The following XYLB variants were observed in gnomAD, a reference collection of about 807,000 sequenced individuals.
XYLB encodes the protein xylulokinase, also known as xylulose kinase.
In XYLB, 62 loss-of-function variants were observed where a neutral mutation model predicts 78.7. The observed-to-expected ratio is 0.79, with a 90% CI of 0.64 to 0.97. XYLB has a LOEUF of 0.97. Among genes scored for constraint, XYLB ranks in the 50% least tolerant of loss-of-function variants. The pLI is 0.00. For synonymous variants in XYLB, 245 were observed against 247.4 expected (o/e 0.99, Z 0.09); for missense variants, 687 against 676.8 (o/e 1.02, Z -0.17).
intron 9 of XYLB, among the ~76,000 whole-genome samples, chr3:38,370,491 G>A (rs908558821): frequency 4.6e-5 from 7 of 152,156 alleles, no homozygotes; most frequent in African/African-American, 1.7e-4. Flanking sequence ...AGTGCACAGA[G>A]TGCTGAAATT....
At chr3:38,422,552 G>C (rs527852191), downstream of XYLB, among the ~76,000 whole-genome samples, 1 of 152,090 alleles carries the variant, frequency 6.6e-6, no homozygotes, top group Non-Finnish European at 1.5e-5. Flanking sequence ...AATTCAATCC[G>C]CTCAATTTAA....
At chr3:38,355,807 A>G (rs1299604429) in intron 2 of XYLB, 14 of 703,498 alleles carry the variant, frequency 2.0e-5, no homozygotes, top group Non-Finnish European at 3.6e-5. Flanking sequence ...GAATGACTGC[A>G]TGGAGCAGAA....
downstream of XYLB, among the ~76,000 whole-genome samples, chr3:38,418,355 C>T (rs1046133051): frequency 2.6e-5 from 4 of 151,950 alleles, no homozygotes; most frequent in African/African-American, 4.8e-5. Context: ...AATAGGCATT[C>T]GTATACATTT....
chr3:38,407,308 A>T (rs1419117250), intron 18 of XYLB, among the ~76,000 whole-genome samples: 4 of 151,292 alleles, frequency 2.6e-5, no homozygotes, highest in Non-Finnish European at 5.9e-5. Flanking sequence ...AGAAGAAATA[A>T]AATACTTTAC....
chr3:38,400,420 TGAG>T (rs1310353118), intron 17 of XYLB, among the ~76,000 whole-genome samples: 2 of 152,088 alleles, frequency 1.3e-5, no homozygotes, highest in African/African-American at 2.4e-5. Context: ...GCATCTTAGC[TGAG>T]GAGAAGGGAA....
chr3:38,380,293 G>A (rs1039085648), intron 15 of XYLB, among the ~76,000 whole-genome samples: 1 of 152,192 alleles, frequency 6.6e-6, no homozygotes, highest in Non-Finnish European at 1.5e-5. Context: ...GAGGCAAAAG[G>A]AGGAGAAAGG....
chr3:38,433,872 C>G, the XYLB span, among the ~76,000 whole-genome samples: 2 of 152,190 alleles, frequency 1.3e-5, no homozygotes, highest in African/African-American at 4.8e-5. Flanking sequence ...TAGCAGCACC[C>G]CCTTCCTGGT....
rs75448340 is a variant in XYLB at position 38,391,454 on chromosome 3, A to G, written c.1292-4051A>G. ...CTTTCTGAACTTCATGATACATGGA[A>G]TTATACTACATGCGGTGTGATTTGC... On this transcript the variant is annotated intron_variant, in intron 15 of 18. Coordinates refer to ENST00000207870, the MANE Select transcript of XYLB (RefSeq NM_005108.4). Among the ~76,000 whole-genome samples the G allele has an allele frequency of 0.012, 1,791 of 152,258 alleles. 152 individuals are homozygous for G. In the East Asian group the frequency reaches 0.21, roughly 18 times the overall value.
At chr3:38,362,611 G>A (rs1420502213) in intron 3 of XYLB, among the ~76,000 whole-genome samples, 1 of 152,116 alleles carries the variant, frequency 6.6e-6, no homozygotes, top group African/African-American at 2.4e-5. Flanking sequence ...GCAGTGAGCT[G>A]AGATTGCGCC....
At chr3:38,431,033 T>C in the XYLB span, among the ~76,000 whole-genome samples, 2 of 152,238 alleles carry the variant, frequency 1.3e-5, no homozygotes, top group South Asian at 2.1e-4. Flanking sequence ...GTCTTGGCAA[T>C]GTGGGCTCCT....
chr3:38,416,660 CA>C (rs1295245561), downstream of XYLB, among the ~76,000 whole-genome samples: 1 of 151,916 alleles, frequency 6.6e-6, no homozygotes, highest in East Asian at 1.9e-4. Context: ...AGTAGGACCA[CA>C]AAAGGCAAAG....
chr3:38,400,736 A>G (rs1413113483), intron 17 of XYLB, among the ~76,000 whole-genome samples, 155 bp from the exon 18 acceptor site: 1 of 152,192 alleles, frequency 6.6e-6, no homozygotes, highest in Admixed American at 6.5e-5. Context: ...TAAGTGTCCA[A>G]TTCATTGATT....
At chr3:38,370,770 T>C (rs1706513072) in intron 9 of XYLB, among the ~76,000 whole-genome samples, 2 of 152,176 alleles carry the variant, frequency 1.3e-5, no homozygotes, top group South Asian at 4.1e-4. Context: ...GGAAAAACAT[T>C]TACCCATCAC....
the XYLB span, among the ~76,000 whole-genome samples, chr3:38,427,028 G>A: frequency 6.6e-6 from 1 of 152,186 alleles, no homozygotes; most frequent in African/African-American, 2.4e-5. Flanking sequence ...TCCTCACTGA[G>A]ATTGCTTTGT....
At chr3:38,442,233 G>T in the XYLB span, among the ~76,000 whole-genome samples, 1 of 152,190 alleles carries the variant, frequency 6.6e-6, no homozygotes. Context: ...GCAGAGTTGG[G>T]CCTTCGATTT....
intron 2 of XYLB, among the ~76,000 whole-genome samples, chr3:38,353,164 T>G (rs1705460038): frequency 7.0e-6 from 1 of 142,740 alleles, no homozygotes; most frequent in Non-Finnish European, 1.5e-5. Flanking sequence ...CTCACCTATG[T>G]TTTTATCTAG....
At chr3:38,441,805 CCTTA>C in the XYLB span, among the ~76,000 whole-genome samples, 1 of 152,220 alleles carries the variant, frequency 6.6e-6, no homozygotes, top group Non-Finnish European at 1.5e-5. Flanking sequence ...ACATCAATTT[CCTTA>C]CTTAGGTATG....
At chr3:38,375,308 G>T in intron 12 of XYLB, 49 bp downstream of exon 12, 1 of 1,528,300 alleles carries the variant, frequency 6.5e-7, no homozygotes, top group Non-Finnish European at 9.0e-7. Context: ...GGAGGTGTGG[G>T]CAGGTCTGGC....
At chr3:38,427,225 G>A in the XYLB span, among the ~76,000 whole-genome samples, 12 of 152,024 alleles carry the variant, frequency 7.9e-5, no homozygotes, top group Admixed American at 5.9e-4. Flanking sequence ...GTGCCGCTTC[G>A]TTAGGTCTCC....
Sources: gnomAD v4.1 joint callset for allele counts (sites outside exome capture counted in the v4.1 genomes callset) on GRCh38, gnomAD v4.1.1 for gene constraint, MANE v1.5 for transcripts, NCBI Gene and HGNC (gene_info 2026-07-23, HGNC 2026-07-21) for gene names.